PTPRD: variants seen among roughly 807,000 people sequenced by gnomAD.
PTPRD encodes protein tyrosine phosphatase receptor type D.
In PTPRD, 34 loss-of-function variants were observed where a neutral mutation model predicts 214.5. That is an observed-to-expected ratio of 0.16 (90% CI 0.12 to 0.21). PTPRD has a LOEUF of 0.21. Ranked by LOEUF, PTPRD falls within the 10% of genes least tolerant of loss-of-function variation. The pLI is 1.00. For synonymous variants in PTPRD, 1,128 were observed against 845.7 expected (o/e 1.33, Z -5.79); for missense variants, 2,545 against 2,398.7 (o/e 1.06, Z -1.27).
chr9:8,916,396 G>A (rs1461805587), intron 11 of PTPRD, among the ~76,000 whole-genome samples: 1 of 152,168 alleles, frequency 6.6e-6, no homozygotes, highest in African/African-American at 2.4e-5. Flanking sequence ...TCAGAAAGTA[G>A]TGGATACACT....
At chr9:9,959,066 T>C (rs1012976753) in intron 4 of PTPRD, among the ~76,000 whole-genome samples, 1 of 152,190 alleles carries the variant, frequency 6.6e-6, no homozygotes, top group Non-Finnish European at 1.5e-5. Context: ...TTACAGCAGC[T>C]TTATTCATAA....
At chr9:8,527,441 G>C in intron 15 of PTPRD, 88 bp from the exon 16 acceptor site, 1 of 1,169,728 alleles carries the variant, frequency 8.5e-7, no homozygotes, top group African/African-American at 1.5e-5. Context: ...CAGAGTTAAA[G>C]CTTTATATAC....
chr9:10,066,095 A>C (rs1473897915), intron 3 of PTPRD, among the ~76,000 whole-genome samples: 2 of 151,936 alleles, frequency 1.3e-5, no homozygotes, highest in East Asian at 3.9e-4. Flanking sequence ...AGTAAAGTGA[A>C]TGGCTTATTT....
intron 11 of PTPRD, among the ~76,000 whole-genome samples, chr9:8,968,504 A>G (rs1171499632): frequency 2.0e-5 from 3 of 152,022 alleles, no homozygotes; most frequent in Non-Finnish European, 4.4e-5. Context: ...TCTGATCGCC[A>G]GTGATGATAA....
At chr9:9,368,623 G>A (rs2058546752) in intron 9 of PTPRD, among the ~76,000 whole-genome samples, 1 of 151,832 alleles carries the variant, frequency 6.6e-6, no homozygotes, top group South Asian at 2.1e-4. Context: ...ACTCTTAGGG[G>A]GAACTCTTGA....
At chr9:8,894,355 C>CA (rs34776407) in intron 11 of PTPRD, among the ~76,000 whole-genome samples, 12,487 of 74,368 alleles carry the variant, frequency 0.17, 1,526 homozygotes, top group East Asian at 0.48. Flanking sequence ...GACTCCATCT[C>CA]AAAAAAAAAA....
intron 3 of PTPRD, among the ~76,000 whole-genome samples, chr9:10,217,016 A>C (rs1049130324): frequency 1.3e-5 from 2 of 151,960 alleles, no homozygotes; most frequent in East Asian, 1.9e-4. Context: ...TGCAACTATA[A>C]TCCTGCAATT....
chr9:9,224,529 A>G (rs1384825307), intron 9 of PTPRD, among the ~76,000 whole-genome samples: 4 of 152,000 alleles, frequency 2.6e-5, no homozygotes, highest in Middle Eastern at 3.2e-3. Context: ...TCTCTGCTCT[A>G]GTTTAGATAA....
chr9:9,588,722 A>G (rs1016034950), intron 7 of PTPRD, among the ~76,000 whole-genome samples: 2 of 152,012 alleles, frequency 1.3e-5, no homozygotes, highest in African/African-American at 4.8e-5. Context: ...TAGAGAAAAA[A>G]GTGAAAAGAC....
At chr9:8,792,974 GA>G (rs2096284305) in intron 11 of PTPRD, among the ~76,000 whole-genome samples, 2 of 152,108 alleles carry the variant, frequency 1.3e-5, no homozygotes, top group African/African-American at 4.8e-5. Flanking sequence ...GGATCAGTAG[GA>G]AAAGTGGTAC....
At chr9:9,289,745 C>A (rs564393109) in intron 9 of PTPRD, among the ~76,000 whole-genome samples, 3 of 151,882 alleles carry the variant, frequency 2.0e-5, no homozygotes, top group South Asian at 4.1e-4. Flanking sequence ...TTTCACTTTA[C>A]ATAACGTCTC....
At chr9:8,470,896 G>C (rs1210033714) in intron 31 of PTPRD, 99 bp downstream of exon 31, 1 of 1,027,492 alleles carries the variant, frequency 9.7e-7, no homozygotes, top group Non-Finnish European at 1.5e-6. Context: ...GGAGAAGCCA[G>C]CACCCAGATT....
chr9:10,266,541 T>C (rs2094071395), intron 3 of PTPRD, among the ~76,000 whole-genome samples: 1 of 152,202 alleles, frequency 6.6e-6, no homozygotes, highest in African/African-American at 2.4e-5. Flanking sequence ...GAAATCCGGT[T>C]AATGTTATTA....
chr9:9,986,733 ATAAT>A (rs745623799), intron 4 of PTPRD, among the ~76,000 whole-genome samples: 4 of 152,188 alleles, frequency 2.6e-5, no homozygotes, highest in Admixed American at 6.5e-5. Flanking sequence ...CACTTAGAAA[ATAAT>A]TAATTCACTT....
chr9:9,189,917 A>G (rs1213935874), intron 9 of PTPRD, among the ~76,000 whole-genome samples: 1 of 151,942 alleles, frequency 6.6e-6, no homozygotes, highest in Non-Finnish European at 1.5e-5. Context: ...TGGCTGTGTA[A>G]TTTGAGCAGA....
intron 3 of PTPRD, among the ~76,000 whole-genome samples, chr9:10,194,941 ATT>A (rs113659073): frequency 1.8e-4 from 24 of 136,996 alleles, no homozygotes; most frequent in Middle Eastern, 3.8e-3. Flanking sequence ...TTTTCATTTA[ATT>A]TTTTTTTTTT....
At chr9:8,325,806 A>AGTT (rs1563932331) in intron 44 of PTPRD, among the ~76,000 whole-genome samples, 1 of 56,094 alleles carries the variant, frequency 1.8e-5, no homozygotes, top group East Asian at 6.0e-4. Flanking sequence ...ATTCCTTGTT[A>AGTT]AGTTGGACTC....
chr9:8,689,286 G>C (rs1034973288), intron 12 of PTPRD, among the ~76,000 whole-genome samples: 2 of 152,212 alleles, frequency 1.3e-5, no homozygotes, highest in Non-Finnish European at 2.9e-5. Context: ...TATGACTACA[G>C]AGAAGGGAAT....
At chr9:8,667,999 C>T (rs748732451) in intron 12 of PTPRD, among the ~76,000 whole-genome samples, 2 of 151,974 alleles carry the variant, frequency 1.3e-5, no homozygotes, top group African/African-American at 2.4e-5. Flanking sequence ...ATACAGATCA[C>T]TAATTAGAAA....
Sources: gnomAD v4.1 joint callset for allele counts (sites outside exome capture counted in the v4.1 genomes callset) on GRCh38, gnomAD v4.1.1 for gene constraint, MANE v1.5 for transcripts, NCBI Gene and HGNC (gene_info 2026-07-23, HGNC 2026-07-21) for gene names.